The following CCNL1 variants were observed in gnomAD, a reference collection of about 807,000 sequenced individuals.
CCNL1 encodes cyclin-L1.
In CCNL1, 13 loss-of-function variants were observed where a neutral mutation model predicts 60.6. The observed-to-expected ratio is 0.21, with a 90% CI of 0.14 to 0.34. CCNL1 has a LOEUF of 0.34. CCNL1 is among the 10% of genes least tolerant of loss of function. CCNL1 has a pLI of 1.00. For synonymous variants in CCNL1, 270 were observed against 244.3 expected (o/e 1.10, Z -0.98); for missense variants, 481 against 664.3 (o/e 0.72, Z 3.03).
At chr3:157,150,852 T>A in intron 5 of CCNL1, 1 of 986,784 alleles carries the variant, frequency 1.0e-6, no homozygotes, top group Non-Finnish European at 1.2e-6. Flanking sequence ...GCATTTTCAG[T>A]AAGTACCAAG....
downstream of CCNL1, among the ~76,000 whole-genome samples, chr3:157,144,195 A>G (rs1008389630): frequency 6.6e-6 from 1 of 152,196 alleles, no homozygotes; most frequent in Non-Finnish European, 1.5e-5. Context: ...TTAATTATGA[A>G]AATCTTGTAC....
Position 157,148,570 on chromosome 3 carries a change from G to A in CCNL1, c.1252C>T (p.Arg418Ter), listed in dbSNP as rs1183952547. Residue 418 changes from arginine to a stop codon, truncating the protein, a stop_gained, in exon 11 of 11, where the codon CGA (arginine) becomes TGA (stop). Transcript: ENST00000295926. LOFTEE classifies it high-confidence loss of function. ...GATCTCGAGCTGTATGTTCCAGATC[G>A]ACTCCGCCTATTATTATAGCTTAGA... Reference protein sequence around the residue: ...PRRHYNNRRSRSGTYSSRSRS... With the variant: ...PRRHYNNRRS The A allele has an allele frequency of 6.2e-7, 1 of 1,609,142 alleles. No individual in the cohort carries two copies. The highest frequency in any genetic ancestry group is 8.5e-7 in the Non-Finnish European group (1 of 1,178,056).
In CCNL1 at chr3:157,148,256, G is replaced by A. The variant is rs775706047; in HGVS notation, c.1566C>T (p.Gly522=). The A allele has an allele frequency of 4.3e-6, 7 of 1,613,902 alleles. No individual in the cohort carries two copies. The Admixed American group carries it at 1.2e-4, about 27-fold the overall frequency. The part of the protein sequence containing the change: ...KHHGGSRSGH[G]RHRR ...GAAGAGAAAGTCAGCGCCTGTGCCT[G>A]CCATGTCCTGAGCGACTGCCACCAT... Residue 522 remains glycine, a synonymous_variant, in exon 11 of 11, where the codon GGC becomes GGT. Transcript: ENST00000295926.
chr3:157,149,029 G>T (rs1458355221), intron 10 of CCNL1: 2 of 412,718 alleles, frequency 4.8e-6, no homozygotes, highest in Non-Finnish European at 4.3e-6. Flanking sequence ...TTCACATTAT[G>T]AACAATACTA....
At chr3:157,152,689 G>C in intron 4 of CCNL1, 9 of 1,115,222 alleles carry the variant, frequency 8.1e-6, no homozygotes, top group Non-Finnish European at 9.9e-6. Context: ...CTACTATGAT[G>C]ATAAGTGTGC....
chr3:157,148,578 C>T lies in CCNL1; in HGVS notation c.1244G>A (p.Arg415Lys). Residue 415 changes from arginine (R) to lysine (K), a missense_variant, in exon 11 of 11, where the codon AGG (arginine) becomes AAG (lysine). By Grantham distance (26) the Arg-to-Lys change is conservative. Transcript: ENST00000295926. ...GCTGTATGTTCCAGATCGACTCCGC[C>T]TATTATTATAGCTTAGATAATAAAA... ...SHTPRRHYNN[R>K]RSRSGTYSSR... The T allele has an allele frequency of 6.2e-7, 1 of 1,605,784 alleles. No homozygotes were observed. The highest frequency in any genetic ancestry group is 1.3e-5 in the African/African-American group (1 of 74,322).
downstream of CCNL1, among the ~76,000 whole-genome samples, chr3:157,145,145 A>G (rs1286409297): frequency 2.0e-5 from 3 of 152,178 alleles, no homozygotes; most frequent in Admixed American, 2.0e-4. Flanking sequence ...TGTACTAAAA[A>G]TCAGGATTTT....
chr3:157,157,023 G>A, intron 3 of CCNL1: 1 of 1,289,742 alleles, frequency 7.8e-7, no homozygotes, highest in Non-Finnish European at 1.0e-6. Context: ...TTGCCATGAC[G>A]ACAGCTTCAT....
At position 157,159,389 on chromosome 3, in the gene CCNL1, C is replaced by T. The variant is rs376787760; in HGVS notation, c.378+16G>A. ...CGGATGAAGAAATCCCTTTTACCCG[C>T]CTCCGCTGTGCTTACCTCGAAACTG... On this transcript the variant is annotated intron_variant, in intron 2 of 10. Coordinates refer to ENST00000295926, the MANE Select transcript of CCNL1 (RefSeq NM_020307.4). 1.7e-5 allele frequency: 27 copies of T among 1,613,286 alleles called. No homozygotes were observed. The highest frequency in any genetic ancestry group is 6.7e-5 in the Admixed American group (4 of 59,978).
rs773357422 is a variant in CCNL1, at chr3:157,148,531, G to A, written c.1291C>T (p.Arg431Cys). The change falls in exon 11 of 11, where the codon CGC (arginine) becomes TGC (cysteine). Residue 431 changes from arginine to cysteine, a missense_variant. Arg to Cys is a radical substitution (Grantham distance 180, BLOSUM62 -3). Around this residue, in one of 5 missense-constraint regions of CCNL1, gnomAD observed 197 missense variants for 233.9 expected, o/e 0.84. Coordinates refer to ENST00000295926, the MANE Select transcript of CCNL1 (RefSeq NM_020307.4). ...CTTCGAGGGCTTTCACTGTGACTGC[G>A]GGACCTGCTTCTTGATCTCGAGCTG... ...TYSSRSRSRS[R>C]SHSESPRRHH... The A allele has an allele frequency of 1.9e-5, 31 of 1,614,106 alleles. No homozygotes were observed. In the East Asian group the frequency reaches 2.9e-4, roughly 15 times the overall value.
intron 3 of CCNL1, 178 bp downstream of exon 3, chr3:157,158,688 T>C (rs1738815937): frequency 4.0e-6 from 2 of 500,530 alleles, no homozygotes; most frequent in Non-Finnish European, 7.1e-6. Flanking sequence ...CGGTTAATTA[T>C]GTTTCTTTTT....
rs1273730831 is a variant in CCNL1, at chr3:157,160,071, TGTC to T, written c.21_23del (p.Thr8del). ...ATGAGGCGGCTGCGGCAGCAGTAGCTGTCGAATGAGGCCCGGACGCCATAGTCT... is the reference window on the plus strand; with the variant it reads ...ATGAGGCGGCTGCGGCAGCAGTAGCTGAATGAGGCCCGGACGCCATAGTCT... On this transcript the variant is annotated inframe_deletion, in exon 1 of 11. Transcript: ENST00000295926. The T allele has an allele frequency of 4.5e-6, 7 of 1,555,590 alleles. No homozygotes were observed. Among genetic ancestry groups the T allele is most frequent in the Non-Finnish European group, 6.1e-6 (7 of 1,150,408 alleles).
At position 157,148,049 on chromosome 3, in the gene CCNL1, A is replaced by G. The variant is rs1690933092; in HGVS notation, c.*192T>C. 1 of 1,377,320 alleles carries G rather than the reference A, an allele frequency of 7.3e-7. No individual in the cohort carries two copies. The highest frequency in any genetic ancestry group is 9.3e-7 in the Non-Finnish European group (1 of 1,070,702). The allele number at this position is 1,377,320 out of a possible 1,614,324, so 85.3% of individuals were successfully genotyped here. ...CCATGGTTTTTAATTAGATACTGCT[A>G]GGGCATTTTAATGTGCAAAAAAATT... On this transcript the variant is annotated 3_prime_UTR_variant, in exon 11 of 11. Coordinates refer to ENST00000295926, the MANE Select transcript of CCNL1 (RefSeq NM_020307.4).
downstream of CCNL1, chr3:157,146,545 TG>T (rs1282132148): frequency 2.3e-6 from 1 of 443,274 alleles, no homozygotes; most frequent in Non-Finnish European, 4.5e-6. Context: ...GAGGCTGAGG[TG>T]GGAGGATCAC....
rs779444887 is a variant in CCNL1 at position 157,147,574 on chromosome 3, T to C, written c.*667A>G. ...CAGGTTTTTTGGTTTAGTGCTAAAA[T>C]ATAACATTTAATGTCACATTGTTGG... On this transcript the variant is annotated 3_prime_UTR_variant, in exon 11 of 11. Coordinates refer to ENST00000295926, the MANE Select transcript of CCNL1 (RefSeq NM_020307.4). 162 of 985,272 alleles carry C rather than the reference T, an allele frequency of 1.6e-4. No individual in the cohort carries two copies. The highest frequency in any genetic ancestry group is 1.9e-4 in the Non-Finnish European group (158 of 829,872). 61.0% of individuals were successfully genotyped at this position (985,272 alleles called of 1,614,324 possible).
intron 5 of CCNL1, chr3:157,151,800 C>A: frequency 9.1e-7 from 1 of 1,098,010 alleles, no homozygotes; most frequent in South Asian, 2.4e-5. Context: ...TGGATATGGA[C>A]CACTTCAGTG....
Position 157,159,914 on chromosome 3 carries a change from C to T in CCNL1, c.181G>A (p.Glu61Lys), listed in dbSNP as rs753581684. The T allele has an allele frequency of 8.7e-6, 14 of 1,606,848 alleles. No individual in the cohort carries two copies. The highest frequency in any genetic ancestry group is 1.6e-4 in the Middle Eastern group (1 of 6,084). ...SLTIDHSLIP[E>K]ERLSPTPSMQ... ...GATGGGGTGGGCGAGAGCCTCTCCT[C>T]CGGAATCAGAGAGTGGTCGATGGTA... is the stretch of plus-strand genomic sequence containing the variant. The change falls in exon 1 of 11, where the codon GAG (glutamate) becomes AAG (lysine). Residue 61 changes from glutamate to lysine, a missense_variant. Physicochemically the swap from Glu to Lys is moderately conservative, Grantham distance 56 (BLOSUM62 1). Coordinates refer to ENST00000295926, the MANE Select transcript of CCNL1 (RefSeq NM_020307.4).
At chr3:157,146,609 TAAAAAAAAAAAAAAAAAAGTTA>T (rs1737790177), downstream of CCNL1, 1 of 260,142 alleles carries the variant, frequency 3.8e-6, no homozygotes. Context: ...ACCTCGTCTC[TAAAAAAAAAAAAAAAAAAGTTA>T]AAAAAAAAAA....
chr3:157,148,675 A>G (rs2108109473), intron 10 of CCNL1, 86 bp from the exon 11 acceptor site: 2 of 1,178,542 alleles, frequency 1.7e-6, no homozygotes, highest in East Asian at 4.8e-5. Context: ...GTTCAAAACA[A>G]AACTACCAGC....
Sources: gnomAD v4.1 joint callset for allele counts (sites outside exome capture counted in the v4.1 genomes callset) on GRCh38, gnomAD v4.1.1 for gene constraint, gnomAD v4.1.1 regional missense constraint, MANE v1.5 for transcripts, NCBI Gene and HGNC (gene_info 2026-07-23, HGNC 2026-07-21) for gene names.